The following NDUFAF2 variants were observed in gnomAD, a reference collection of about 807,000 sequenced individuals.
NDUFAF2 encodes the protein NADH dehydrogenase [ubiquinone] 1 alpha subcomplex assembly factor 2.
Under a neutral mutation model 22.8 loss-of-function variants are expected in NDUFAF2, and 13 were observed. The ratio of observed to expected loss-of-function variants is 0.57; its 90% CI spans 0.37 to 0.91. The LOEUF (loss-of-function observed/expected upper bound fraction) is 0.91, where lower values mean the gene tolerates loss of function less well. NDUFAF2 is among the 40% of genes least tolerant of loss of function. The probability of loss-of-function intolerance (pLI) is 0.01; values close to 1 mark genes in which losing one functional copy is unlikely to be tolerated. For missense variants in NDUFAF2, 162 were observed against 195.2 expected (o/e 0.83, Z 1.01); for synonymous variants, 53 against 64.2 (o/e 0.83, Z 0.84).
chr5:60,997,525 G>A (rs1252148213), intron 1 of NDUFAF2, among the ~76,000 whole-genome samples: 1 of 152,116 alleles, frequency 6.6e-6, no homozygotes, highest in East Asian at 1.9e-4. Context: ...AAACTTTATT[G>A]AGCTCTCTTT....
intron 1 of NDUFAF2, among the ~76,000 whole-genome samples, chr5:60,950,519 T>C (rs1242310875): frequency 1.3e-5 from 2 of 152,146 alleles, no homozygotes; most frequent in African/African-American, 2.4e-5. Context: ...GTGTTAGCTA[T>C]AATTTTTTAG....
At chr5:60,959,657 C>G (rs1335932769) in intron 1 of NDUFAF2, among the ~76,000 whole-genome samples, 1 of 151,916 alleles carries the variant, frequency 6.6e-6, no homozygotes, top group Non-Finnish European at 1.5e-5. Flanking sequence ...CTAAAACATG[C>G]CTTCGGTTTA....
intron 1 of NDUFAF2, among the ~76,000 whole-genome samples, chr5:61,046,297 T>G (rs1410852383): frequency 6.6e-6 from 1 of 152,066 alleles, no homozygotes; most frequent in African/African-American, 2.4e-5. Context: ...CCTTGTCTGG[T>G]TTTTAGTATT....
At chr5:61,145,377 T>C (rs1203494238) in intron 3 of NDUFAF2, among the ~76,000 whole-genome samples, 1 of 152,214 alleles carries the variant, frequency 6.6e-6, no homozygotes, top group Non-Finnish European at 1.5e-5. Context: ...TTTCTCTTTT[T>C]TAATCTAATC....
intron 3 of NDUFAF2, among the ~76,000 whole-genome samples, chr5:61,101,829 G>C (rs1423785525): frequency 6.6e-6 from 1 of 152,048 alleles, no homozygotes; most frequent in East Asian, 1.9e-4. Context: ...CATTAAATAA[G>C]ACCTAAATAA....
At chr5:60,956,413 C>T (rs1580066572) in intron 1 of NDUFAF2, among the ~76,000 whole-genome samples, 1 of 152,112 alleles carries the variant, frequency 6.6e-6, no homozygotes. Flanking sequence ...AGTAGGCATC[C>T]TTGTCTCATT....
intron 1 of NDUFAF2, among the ~76,000 whole-genome samples, chr5:61,071,267 T>C (rs1038441555): frequency 6.6e-6 from 1 of 152,182 alleles, no homozygotes; most frequent in African/African-American, 2.4e-5. Context: ...AGGTAACTCC[T>C]CTTTGTAGAA....
At chr5:61,039,244 T>A (rs1751840920) in intron 1 of NDUFAF2, among the ~76,000 whole-genome samples, 1 of 151,952 alleles carries the variant, frequency 6.6e-6, no homozygotes, top group African/African-American at 2.4e-5. Flanking sequence ...CTCGCATTAT[T>A]TAAGTTACTG....
At chr5:61,035,982 C>T (rs79607009) in intron 1 of NDUFAF2, among the ~76,000 whole-genome samples, 3,662 of 152,262 alleles carry the variant, frequency 0.024, 60 homozygotes, top group Non-Finnish European at 0.037. Flanking sequence ...AACCACAAAA[C>T]TCACCGGTTT....
chr5:61,105,653 A>G lies in NDUFAF2; in HGVS notation c.258+6621A>G, dbSNP rs1752754589. 2.0e-5 allele frequency among the ~76,000 whole-genome samples: 3 copies of G among 149,136 alleles called. No individual in the cohort carries two copies. The South Asian group carries it at 6.2e-4, about 31-fold the overall frequency. ...GCAAAAAAAAAAAAAAAGCAGCTAC[A>G]GAAGATGTCATACAATATACCATTT... On this transcript the variant is annotated intron_variant, in intron 3 of 3. Coordinates refer to ENST00000296597, the MANE Select transcript of NDUFAF2 (RefSeq NM_174889.5).
rs193287621 is a variant in NDUFAF2, at chr5:60,970,932, G to A, written c.127+25550G>A. 3.0e-4 allele frequency among the ~76,000 whole-genome samples: 45 copies of A among 152,064 alleles called. 2 individuals are homozygous for A. In the East Asian group the frequency reaches 5.2e-3, roughly 18 times the overall value. Reference sequence around the variant, plus strand: ...ACATAATTTGTCTCATATTAAGGAGGATTATTTTAAAGTTTTCTTTTTTTA... The same window carrying A: ...ACATAATTTGTCTCATATTAAGGAGAATTATTTTAAAGTTTTCTTTTTTTA... On this transcript the variant is annotated intron_variant, in intron 1 of 3. Coordinates refer to ENST00000296597, the MANE Select transcript of NDUFAF2 (RefSeq NM_174889.5).
chr5:61,063,749 A>G (rs1191104809), intron 1 of NDUFAF2, among the ~76,000 whole-genome samples: 1 of 152,162 alleles, frequency 6.6e-6, no homozygotes, highest in African/African-American at 2.4e-5. Context: ...TAGATGAATG[A>G]TAAAGAGAAA....
intron 2 of NDUFAF2, among the ~76,000 whole-genome samples, chr5:61,096,132 A>G (rs1194864010): frequency 1.6e-5 from 2 of 121,938 alleles, no homozygotes; most frequent in East Asian, 7.4e-4. Context: ...AAATCCTGAT[A>G]GAACAAATAT....
intron 1 of NDUFAF2, among the ~76,000 whole-genome samples, chr5:61,011,870 C>T (rs145282526): frequency 0.012 from 1,889 of 152,156 alleles, 18 homozygotes; most frequent in South Asian, 0.039. Context: ...TTAGTATGTT[C>T]TCTTTTTTAA....
At chr5:61,103,060 C>T (rs1057408985) in intron 3 of NDUFAF2, among the ~76,000 whole-genome samples, 5 of 152,124 alleles carry the variant, frequency 3.3e-5, no homozygotes, top group Non-Finnish European at 7.4e-5. Context: ...ATCAAACATA[C>T]ATATACCCTG....
chr5:60,948,582 A>C (rs1479917209), intron 1 of NDUFAF2, among the ~76,000 whole-genome samples: 1 of 149,380 alleles, frequency 6.7e-6, no homozygotes, highest in African/African-American at 2.5e-5. Context: ...TAGGTTCTTC[A>C]CTCAGCATAA....
At chr5:60,949,327 T>C (rs1012084807) in intron 1 of NDUFAF2, among the ~76,000 whole-genome samples, 1 of 152,212 alleles carries the variant, frequency 6.6e-6, no homozygotes, top group Non-Finnish European at 1.5e-5. Context: ...GAACCTGGCT[T>C]CTTCTATTCA....
At chr5:60,973,186 C>A (rs902143748) in intron 1 of NDUFAF2, among the ~76,000 whole-genome samples, 1 of 152,074 alleles carries the variant, frequency 6.6e-6, no homozygotes, top group Non-Finnish European at 1.5e-5. Flanking sequence ...TAAAGTTGCC[C>A]CAGTTAACAC....
intron 3 of NDUFAF2, among the ~76,000 whole-genome samples, chr5:61,104,656 A>C (rs1390408617): frequency 1.3e-5 from 2 of 152,144 alleles, no homozygotes; most frequent in African/African-American, 4.8e-5. Flanking sequence ...ACTTTTGTTC[A>C]TGTCTAAGGT....
Sources: gnomAD v4.1 joint callset for allele counts (sites outside exome capture counted in the v4.1 genomes callset) on GRCh38, gnomAD v4.1.1 for gene constraint, MANE v1.5 for transcripts, NCBI Gene and HGNC (gene_info 2026-07-23, HGNC 2026-07-21) for gene names.